NLGN1: variants seen among roughly 807,000 people sequenced by gnomAD.
NLGN1 encodes the protein neuroligin-1.
In NLGN1, 12 loss-of-function variants were observed where a neutral mutation model predicts 65.5. The observed-to-expected ratio is 0.18, with a 90% CI of 0.12 to 0.30. NLGN1 has a LOEUF of 0.30. Ranked by LOEUF, NLGN1 falls within the 10% of genes least tolerant of loss-of-function variation. The pLI is 1.00. For synonymous variants in NLGN1, 350 were observed against 359.5 expected (o/e 0.97, Z 0.30); for missense variants, 750 against 1,007.1 (o/e 0.74, Z 3.46).
intron 4 of NLGN1, among the ~76,000 whole-genome samples, chr3:174,239,798 C>A (rs1364768833): frequency 6.6e-6 from 1 of 152,034 alleles, no homozygotes; most frequent in Non-Finnish European, 1.5e-5. Context: ...GGACCAAGAA[C>A]AAGTCAAACT....
intron 3 of NLGN1, among the ~76,000 whole-genome samples, chr3:173,793,466 C>T (rs144773169): frequency 1.8e-4 from 28 of 152,072 alleles, no homozygotes; most frequent in Middle Eastern, 3.4e-3. Flanking sequence ...GATGGTCATC[C>T]CTGTTGTACT....
intron 4 of NLGN1, among the ~76,000 whole-genome samples, chr3:174,074,870 C>T (rs1415634968): frequency 6.6e-6 from 1 of 152,196 alleles, no homozygotes; most frequent in East Asian, 1.9e-4. Flanking sequence ...CTGGCCACAA[C>T]TACCACTGAG....
intron 3 of NLGN1, among the ~76,000 whole-genome samples, chr3:173,758,217 A>C (rs966819344): frequency 1.3e-5 from 2 of 152,038 alleles, no homozygotes; most frequent in Non-Finnish European, 2.9e-5. Context: ...AGCCCTCATC[A>C]GATATGGAAT....
chr3:174,051,001 G>C (rs577451307), intron 4 of NLGN1, among the ~76,000 whole-genome samples: 1 of 151,994 alleles, frequency 6.6e-6, no homozygotes, highest in African/African-American at 2.4e-5. Flanking sequence ...TCAGCAAAGG[G>C]ATGTCCTCAC....
chr3:173,622,572 G>A (rs559700303), intron 3 of NLGN1, among the ~76,000 whole-genome samples: 118 of 151,206 alleles, frequency 7.8e-4, no homozygotes, highest in African/African-American at 2.6e-3. Flanking sequence ...AAATAGTCCC[G>A]GTAAAAAGAG....
chr3:174,152,064 C>A (rs1724467259), intron 4 of NLGN1, among the ~76,000 whole-genome samples: 1 of 152,028 alleles, frequency 6.6e-6, no homozygotes, highest in Non-Finnish European at 1.5e-5. Flanking sequence ...GCCTTACATT[C>A]AAAAGTTTTC....
intron 4 of NLGN1, among the ~76,000 whole-genome samples, chr3:174,190,072 TACA>T (rs1732109473): frequency 6.6e-6 from 1 of 152,100 alleles, no homozygotes; most frequent in South Asian, 2.1e-4. Context: ...GTGGAAAAGG[TACA>T]ACACTTGAGC....
In NLGN1 at chr3:174,003,507, A is replaced by G. The variant is rs566721190; in HGVS notation, c.646+195675A>G. 2.6e-5 allele frequency among the ~76,000 whole-genome samples: 4 copies of G among 152,320 alleles called. No individual in the cohort carries two copies. In the East Asian group the frequency reaches 7.7e-4, roughly 29 times the overall value. ...ATTATGGAGTCAAGATATACATTCA[A>G]ACCAAATGATCTGTGGAAACTCTTT... On this transcript the variant is annotated intron_variant, in intron 4 of 6. Coordinates refer to ENST00000457714, the Ensembl canonical transcript of NLGN1.
At chr3:173,818,424 G>C (rs2150515568) in intron 4 of NLGN1, among the ~76,000 whole-genome samples, 1 of 152,236 alleles carries the variant, frequency 6.6e-6, no homozygotes, top group South Asian at 2.1e-4. Context: ...TATTTTGTAA[G>C]ACAGATAAAA....
chr3:174,028,120 T>C (rs1560875150), intron 4 of NLGN1, among the ~76,000 whole-genome samples: 1 of 152,174 alleles, frequency 6.6e-6, no homozygotes, highest in Non-Finnish European at 1.5e-5. Flanking sequence ...GTGAGTCAAT[T>C]AAACCTCTTT....
At chr3:173,815,991 ATAAT>A (rs1252267099) in intron 4 of NLGN1, among the ~76,000 whole-genome samples, 4 of 19,028 alleles carry the variant, frequency 2.1e-4, no homozygotes, top group South Asian at 9.4e-4. Context: ...TTATATTATA[ATAAT>A]TAATTATAAT....
In NLGN1 at chr3:173,613,983, C is replaced by CT. The variant is rs369958132; in HGVS notation, c.493+8902dup. Among the ~76,000 whole-genome samples, 1,280 of 137,864 alleles carry CT rather than the reference C, an allele frequency of 9.3e-3. 8 individuals are homozygous for CT. The highest frequency in any genetic ancestry group is 0.015 in the Non-Finnish European group (929 of 63,768). The allele number at this position is 137,864 out of a possible 152,430, so 90.4% of individuals were successfully genotyped here. On this transcript the variant is annotated intron_variant, in intron 3 of 6. Coordinates refer to ENST00000457714, the Ensembl canonical transcript of NLGN1. Reference sequence around the variant, plus strand: ...TCTTCACTTTCCTTTTCTTCTTCTTCTTTTTTTTTTCTTGAGGCAAAGATC... The same window carrying CT: ...TCTTCACTTTCCTTTTCTTCTTCTTCTTTTTTTTTTTCTTGAGGCAAAGATC...
chr3:174,117,527 A>C (rs1716771823), intron 4 of NLGN1, among the ~76,000 whole-genome samples: 1 of 151,908 alleles, frequency 6.6e-6, no homozygotes. Flanking sequence ...AGGCTGAGGC[A>C]GGAGAAAGGC....
At chr3:174,251,963 T>C (rs1011732659) in intron 4 of NLGN1, among the ~76,000 whole-genome samples, 5 of 152,176 alleles carry the variant, frequency 3.3e-5, no homozygotes, top group African/African-American at 1.2e-4. Flanking sequence ...AAAAGTTTCC[T>C]GACAAAGAGA....
chr3:174,146,477 G>A (rs1577087603), intron 4 of NLGN1, among the ~76,000 whole-genome samples: 1 of 151,698 alleles, frequency 6.6e-6, no homozygotes, highest in Admixed American at 6.6e-5. Flanking sequence ...ATCAGCAAAC[G>A]TGTTTTTAGT....
chr3:173,414,885 CAG>C (rs1463958712), intron 1 of NLGN1, among the ~76,000 whole-genome samples: 2 of 152,102 alleles, frequency 1.3e-5, no homozygotes, highest in African/African-American at 4.8e-5. Flanking sequence ...CATCCTGAGA[CAG>C]AGCAGGGAAG....
At chr3:174,025,231 T>G (rs2152463245) in intron 4 of NLGN1, among the ~76,000 whole-genome samples, 1 of 152,344 alleles carries the variant, frequency 6.6e-6, no homozygotes, top group Non-Finnish European at 1.5e-5. Context: ...ATGAGGTCAC[T>G]AAGGCTGAAA....
At position 173,915,453 on chromosome 3, in the gene NLGN1, A is replaced by G. The variant is rs541306086; in HGVS notation, c.646+107621A>G. On this transcript the variant is annotated intron_variant, in intron 4 of 6. Transcript: ENST00000457714. Reference sequence around the variant, plus strand: ...GACTGAAGTCTATATCTGCAGGAAGAAAATGTATTGCTCTTGAATAATATC... The same window carrying G: ...GACTGAAGTCTATATCTGCAGGAAGGAAATGTATTGCTCTTGAATAATATC... 4.6e-5 allele frequency among the ~76,000 whole-genome samples: 7 copies of G among 152,334 alleles called. No individual in the cohort carries two copies. The South Asian group carries it at 1.4e-3, about 32-fold the overall frequency.
intron 4 of NLGN1, among the ~76,000 whole-genome samples, chr3:174,017,419 A>G (rs569035735): frequency 6.6e-6 from 1 of 152,256 alleles, no homozygotes; most frequent in East Asian, 1.9e-4. Context: ...GTGTTTTCTA[A>G]TGAATCCAGA....
Sources: allele counts gnomAD v4.1 joint callset (sites outside exome capture counted in the v4.1 genomes callset), GRCh38; gene constraint gnomAD v4.1.1; transcripts MANE v1.5; gene names NCBI Gene and HGNC (gene_info 2026-07-23, HGNC 2026-07-21).